SHANK2: variants seen among roughly 807,000 people sequenced by gnomAD.
The protein encoded by SHANK2 is SH3 and multiple ankyrin repeat domains 2.
A neutral mutation model predicts 133.7 loss-of-function variants in SHANK2; 43 were observed. The observed-to-expected ratio is 0.32, with a 90% CI of 0.25 to 0.41. SHANK2 has a LOEUF of 0.41. Ranked by LOEUF, SHANK2 falls within the 10% of genes least tolerant of loss-of-function variation. The probability of loss-of-function intolerance (pLI) is 1.00; values close to 1 mark genes in which losing one functional copy is unlikely to be tolerated. For synonymous variants in SHANK2, 1,017 were observed against 952.8 expected (o/e 1.07, Z -1.24); for missense variants, 1,994 against 2,235.8 (o/e 0.89, Z 2.18).
chr11:70,809,783 G>C (rs1175331510), intron 12 of SHANK2, among the ~76,000 whole-genome samples: 1 of 152,192 alleles, frequency 6.6e-6, no homozygotes, highest in Non-Finnish European at 1.5e-5. Context: ...GAACAGGTGG[G>C]CGTCTTGGAT....
chr11:70,869,763 A>G (rs1265321158), intron 11 of SHANK2, among the ~76,000 whole-genome samples: 2 of 152,122 alleles, frequency 1.3e-5, no homozygotes, highest in East Asian at 1.9e-4. Context: ...AGGGGGCTCG[A>G]CGGGGAGTCC....
chr11:70,720,554 C>T (rs1260455902), intron 14 of SHANK2, among the ~76,000 whole-genome samples: 1 of 152,232 alleles, frequency 6.6e-6, no homozygotes, highest in African/African-American at 2.4e-5. Context: ...ATCCACTCAT[C>T]CGTCACACCC....
At chr11:70,879,878 C>T (rs1346430093) in intron 11 of SHANK2, among the ~76,000 whole-genome samples, 1 of 152,180 alleles carries the variant, frequency 6.6e-6, no homozygotes, top group East Asian at 1.9e-4. Flanking sequence ...AGCAAGGAGT[C>T]AGGGAAAGCG....
intron 17 of SHANK2, among the ~76,000 whole-genome samples, chr11:70,553,672 A>C (rs1163185799): frequency 6.6e-6 from 1 of 152,248 alleles, no homozygotes; most frequent in Non-Finnish European, 1.5e-5. Context: ...CCATGCGATC[A>C]TCAGCAAGAC....
chr11:70,586,269 T>TG (rs2060250643), intron 17 of SHANK2, among the ~76,000 whole-genome samples: 1 of 151,810 alleles, frequency 6.6e-6, no homozygotes, highest in Admixed American at 6.6e-5. Context: ...AGGTGGGCAG[T>TG]GGGGGCAGAT....
chr11:70,671,460 C>T (rs576974784), intron 15 of SHANK2, among the ~76,000 whole-genome samples: 1 of 152,294 alleles, frequency 6.6e-6, no homozygotes, highest in East Asian at 1.9e-4. Context: ...GGGTGGGAAG[C>T]TCCTTGTTTA....
At position 70,739,359 on chromosome 11, in the gene SHANK2, G is replaced by A. The variant is rs927155189; in HGVS notation, c.1778-40596C>T. On this transcript the variant is annotated intron_variant, in intron 14 of 25. Coordinates refer to ENST00000601538, the MANE Select transcript of SHANK2 (RefSeq NM_012309.5). The surrounding 1 kb of genome is among the most constrained non-coding windows in gnomAD (Gnocchi z 4.3). ...CCCCACAGAAGGGAGGAGGCCAGGA[G>A]GTGGACAATGAAGACAATCGTGTGG... Among the ~76,000 whole-genome samples the A allele has an allele frequency of 2.0e-5, 3 of 152,216 alleles. No individual in the cohort carries two copies. Among genetic ancestry groups the A allele is most frequent in the African/African-American group, 7.2e-5 (3 of 41,460 alleles).
chr11:71,085,705 G>A lies in SHANK2; in HGVS notation c.912+6717C>T, dbSNP rs1208558895. ...TAATATAATATATAACATATTATAT[G>A]TTATATATATTATATTATATAAAAT... On this transcript the variant is annotated intron_variant, in intron 8 of 25. Transcript: ENST00000601538. 4.4e-4 allele frequency among the ~76,000 whole-genome samples: 8 copies of A among 18,180 alleles called. No individual in the cohort carries two copies. In the South Asian group the frequency reaches 0.019, roughly 43 times the overall value. 11.9% of individuals were successfully genotyped at this position (18,180 alleles called of 152,430 possible).
intron 1 of SHANK2, among the ~76,000 whole-genome samples, chr11:71,241,272 C>T (rs921219815): frequency 2.0e-5 from 3 of 152,172 alleles, no homozygotes; most frequent in Non-Finnish European, 2.9e-5. Flanking sequence ...GAATAAAATG[C>T]GGTTAACCAT....
At chr11:70,712,683 C>T (rs569882994) in intron 14 of SHANK2, among the ~76,000 whole-genome samples, 4 of 152,308 alleles carry the variant, frequency 2.6e-5, no homozygotes, top group South Asian at 2.1e-4. Context: ...AATGGGTGGG[C>T]GTGGCCCTCA....
At chr11:71,235,479 A>G (rs1555123590) in intron 1 of SHANK2, among the ~76,000 whole-genome samples, 1 of 151,934 alleles carries the variant, frequency 6.6e-6, no homozygotes, top group Non-Finnish European at 1.5e-5. Context: ...CTGTAATCCC[A>G]GCTACTCGGG....
intron 2 of SHANK2, among the ~76,000 whole-genome samples, chr11:71,198,990 C>A (rs1227737729): frequency 1.3e-5 from 2 of 152,192 alleles, no homozygotes; most frequent in African/African-American, 4.8e-5. Context: ...CAGTCACCTG[C>A]CACCATGCCG....
intron 10 of SHANK2, among the ~76,000 whole-genome samples, chr11:70,903,898 C>G (rs1037296032): frequency 6.6e-6 from 1 of 152,190 alleles, no homozygotes; most frequent in Non-Finnish European, 1.5e-5. Flanking sequence ...CTGCCAAACC[C>G]CAAACCCTCC....
intron 13 of SHANK2, among the ~76,000 whole-genome samples, chr11:70,801,828 TCTGGAGTC>T (rs1948053012): frequency 6.6e-6 from 1 of 151,726 alleles, no homozygotes; most frequent in South Asian, 2.1e-4. Flanking sequence ...AATTCTGGAG[TCTGGAGTC>T]CTGCCTTGCT....
At chr11:70,945,474 C>A (rs910006323) in intron 10 of SHANK2, among the ~76,000 whole-genome samples, 24 of 152,300 alleles carry the variant, frequency 1.6e-4, no homozygotes, top group African/African-American at 5.5e-4. Flanking sequence ...CGCTGAGCTC[C>A]GACGGCTTCC....
rs1206191066 is a variant in SHANK2, at chr11:70,783,006, C to T, written c.1777+15437G>A. Among the ~76,000 whole-genome samples, 9 of 152,238 alleles carry T rather than the reference C, an allele frequency of 5.9e-5. No homozygotes were observed. In the East Asian group the frequency reaches 1.7e-3, roughly 30 times the overall value. ...TTTAGATAAGTCACGAAGCTGGGGT[C>T]CCCAAGATGGGATTCCTGCCGTCCT... is the stretch of plus-strand genomic sequence containing the variant. On this transcript the variant is annotated intron_variant, in intron 14 of 25. Transcript: ENST00000601538.
At chr11:70,538,998 A>T (rs1362130396) in intron 17 of SHANK2, among the ~76,000 whole-genome samples, 4 of 152,260 alleles carry the variant, frequency 2.6e-5, no homozygotes, top group Non-Finnish European at 5.9e-5. Context: ...GCACCCAGGC[A>T]CTAGGCTTGC....
chr11:71,066,084 A>G (rs1203572265), intron 9 of SHANK2, among the ~76,000 whole-genome samples: 33 of 78,678 alleles, frequency 4.2e-4, no homozygotes, highest in Middle Eastern at 8.9e-3. Context: ...TGAGTGGGGA[A>G]GTTGGTGGGG....
intron 13 of SHANK2, among the ~76,000 whole-genome samples, chr11:70,800,984 A>G (rs782233667): frequency 1.3e-5 from 2 of 152,190 alleles, no homozygotes; most frequent in Non-Finnish European, 2.9e-5. Flanking sequence ...GCTCTGCCCT[A>G]TCTTAGCTAT....
Sources: allele counts gnomAD v4.1 joint callset (sites outside exome capture counted in the v4.1 genomes callset), GRCh38; gene constraint gnomAD v4.1.1; non-coding constraint Gnocchi (gnomAD v3.1); transcripts MANE v1.5; gene names NCBI Gene and HGNC (gene_info 2026-07-23, HGNC 2026-07-21).